BEAN1: variants seen among roughly 807,000 people sequenced by gnomAD.
BEAN1 encodes brain expressed associated with NEDD4 1, also known as protein BEAN1.
Under a neutral mutation model 17.7 loss-of-function variants are expected in BEAN1, and 17 were observed. That is an observed-to-expected ratio of 0.96 (90% CI 0.66 to 1.44). BEAN1 has a LOEUF of 1.44. Among genes scored for constraint, BEAN1 ranks in the 40% most tolerant of loss-of-function variants. The probability of loss-of-function intolerance (pLI) is 0.00; values close to 1 mark genes in which losing one functional copy is unlikely to be tolerated. For synonymous variants in BEAN1, 142 were observed against 151.8 expected (o/e 0.94, Z 0.47); for missense variants, 359 against 374.1 (o/e 0.96, Z 0.33).
intron 1 of BEAN1, among the ~76,000 whole-genome samples, chr16:66,430,822 T>C (rs1167944789): frequency 6.6e-6 from 1 of 152,246 alleles, no homozygotes; most frequent in Admixed American, 6.5e-5. Context: ...TTGACTGTTT[T>C]GTTCACTATA....
At chr16:66,494,189 G>T (rs1964216423), downstream of BEAN1, among the ~76,000 whole-genome samples, 1 of 152,222 alleles carries the variant, frequency 6.6e-6, no homozygotes, top group Non-Finnish European at 1.5e-5. Flanking sequence ...TGACTGCTGG[G>T]AGAGGTGCTA....
chr16:66,439,144 C>T (rs1962149272), intron 2 of BEAN1, among the ~76,000 whole-genome samples: 2 of 152,114 alleles, frequency 1.3e-5, no homozygotes, highest in African/African-American at 2.4e-5. Flanking sequence ...TCACCAGGCA[C>T]GCCAGGGGGA....
chr16:66,487,260 C>T (rs1031465202), downstream of BEAN1, among the ~76,000 whole-genome samples: 1 of 151,974 alleles, frequency 6.6e-6, no homozygotes, highest in African/African-American at 2.4e-5. Context: ...AGACTCCACT[C>T]CAGGCACTGA....
At chr16:66,440,667 A>T (rs1375781925) in intron 2 of BEAN1, among the ~76,000 whole-genome samples, 1 of 152,000 alleles carries the variant, frequency 6.6e-6, no homozygotes, top group Non-Finnish European at 1.5e-5. Context: ...TCTCAGCCTC[A>T]CCGCTTTCAG....
intron 1 of BEAN1, chr16:66,428,028 G>T (rs1360409477): frequency 6.6e-6 from 1 of 152,284 alleles, no homozygotes; most frequent in Non-Finnish European, 1.5e-5. Flanking sequence ...GAGAGAGAGC[G>T]CGCCCTCCGC....
At chr16:66,483,896 C>T (rs1964047651), downstream of BEAN1, 1 of 153,502 alleles carries the variant, frequency 6.5e-6, no homozygotes, top group Non-Finnish European at 1.4e-5. Context: ...ACCCTGAGCC[C>T]ACACTGCCAC....
At chr16:66,433,116 T>G (rs1961868352) in intron 1 of BEAN1, among the ~76,000 whole-genome samples, 1 of 152,090 alleles carries the variant, frequency 6.6e-6, no homozygotes, top group African/African-American at 2.4e-5. Flanking sequence ...TTTATTATTT[T>G]TATTATTTTT....
Position 66,480,735 on chromosome 16 carries a change from A to T in BEAN1, c.590A>T (p.Gln197Leu), listed in dbSNP as rs1963954710. Residue 197 changes from glutamine to leucine, a missense_variant, in exon 5 of 5, where the codon CAG becomes CTG. By Grantham distance (113) the Gln-to-Leu change is moderately radical. Coordinates refer to ENST00000536005, the MANE Select transcript of BEAN1 (RefSeq NM_001178020.3). ...AGCCCTGGCCGACACCAGCAGGAGC[A>T]GAGGACCCCGGCCCAAGGTGGCCTT... ...GHSPGRHQQE[Q>L]RTPAQGGLHT... The T allele has an allele frequency of 6.4e-7, 1 of 1,551,502 alleles. No homozygotes were observed. The highest frequency in any genetic ancestry group is 1.4e-5 in the African/African-American group (1 of 73,058).
chr16:66,482,925 T>A (rs1317559460), downstream of BEAN1: 1 of 455,984 alleles, frequency 2.2e-6, no homozygotes, highest in East Asian at 7.0e-5. Flanking sequence ...GGTATGAACA[T>A]AGCTCACTGT....
At chr16:66,453,893 C>A (rs1295796586) in intron 2 of BEAN1, among the ~76,000 whole-genome samples, 1 of 152,144 alleles carries the variant, frequency 6.6e-6, no homozygotes, top group South Asian at 2.1e-4. Flanking sequence ...GCCACCACAC[C>A]TGGCTAATTT....
chr16:66,464,221 A>T (rs1260796022), intron 2 of BEAN1, among the ~76,000 whole-genome samples: 7 of 152,198 alleles, frequency 4.6e-5, no homozygotes, highest in Non-Finnish European at 1.0e-4. Flanking sequence ...GAATTTGGGG[A>T]GTATTGTCAT....
chr16:66,453,348 C>T lies in BEAN1; in HGVS notation c.25+15647C>T, dbSNP rs537706466. Among the ~76,000 whole-genome samples the T allele has an allele frequency of 9.2e-4, 136 of 148,232 alleles. 4 individuals are homozygous for T. The Middle Eastern group carries it at 0.024, about 26-fold the overall frequency. On this transcript the variant is annotated intron_variant, in intron 2 of 4. Transcript: ENST00000536005. ...GTTTTTTTTCATTCTGTTATACACA[C>T]ACACACACACACACACACACATTGT...
rs1474918756 is a variant in BEAN1, at chr16:66,427,529, C to G, written c.-83+98C>G. 3 of 151,636 alleles carry G rather than the reference C, an allele frequency of 2.0e-5. No individual in the cohort carries two copies. Among genetic ancestry groups the G allele is most frequent in the African/African-American group, 7.3e-5 (3 of 41,316 alleles). The allele number at this position is 151,636 out of a possible 1,614,324, so 9.4% of individuals were successfully genotyped here. ...GCGGTGGTACCGGCGAACGACACAC[C>G]CGGGGGCGCGCCGCGCGGAGCCTCG... On this transcript the variant is annotated intron_variant, in intron 1 of 4. Transcript: ENST00000536005. This position sits in a 1 kb window ranked among gnomAD's most constrained non-coding sequence, Gnocchi z 4.7.
intron 2 of BEAN1, among the ~76,000 whole-genome samples, chr16:66,468,650 T>G (rs1421139649): frequency 6.6e-6 from 1 of 152,220 alleles, no homozygotes; most frequent in African/African-American, 2.4e-5. Flanking sequence ...TCCACCCATC[T>G]GTGAAAGGAG....
downstream of BEAN1, chr16:66,484,693 G>A: frequency 2.2e-6 from 1 of 454,108 alleles, no homozygotes; most frequent in Middle Eastern, 6.9e-4. This position sits in a 1 kb window ranked among gnomAD's most constrained non-coding sequence, Gnocchi z 4.2. Flanking sequence ...CAGGAAACAA[G>A]AAAGGCAAGG....
downstream of BEAN1, among the ~76,000 whole-genome samples, chr16:66,486,550 C>T (rs1362730835): frequency 1.3e-5 from 2 of 152,190 alleles, no homozygotes; most frequent in African/African-American, 2.4e-5. Flanking sequence ...CCACCGCACC[C>T]AGCCAGGATT....
chr16:66,429,194 A>G (rs1421529517), intron 1 of BEAN1, among the ~76,000 whole-genome samples: 1 of 152,194 alleles, frequency 6.6e-6, no homozygotes, highest in African/African-American at 2.4e-5. Context: ...CACCAGGGAG[A>G]CAGCCTAGAG....
chr16:66,462,322 C>T (rs1963116718), intron 2 of BEAN1, among the ~76,000 whole-genome samples: 1 of 152,164 alleles, frequency 6.6e-6, no homozygotes. Flanking sequence ...GTTGGCACTT[C>T]ATCCAAAACT....
intron 3 of BEAN1, among the ~76,000 whole-genome samples, chr16:66,475,005 C>T (rs913827089): frequency 6.6e-5 from 10 of 152,290 alleles, no homozygotes; most frequent in African/African-American, 2.2e-4. Flanking sequence ...GTGCCAGTTC[C>T]TCTTCCTCCC....
Sources: allele counts gnomAD v4.1 joint callset (sites outside exome capture counted in the v4.1 genomes callset), GRCh38; gene constraint gnomAD v4.1.1; non-coding constraint Gnocchi (gnomAD v3.1); transcripts MANE v1.5; gene names NCBI Gene and HGNC (gene_info 2026-07-23, HGNC 2026-07-21).